The following TPP1 variants were observed in gnomAD, a reference collection of about 807,000 sequenced individuals.
TPP1 encodes tripeptidyl peptidase 1.
TPP1 carries 43 observed loss-of-function variants against 67.6 expected under a neutral mutation model. That is an observed-to-expected ratio of 0.64 (90% CI 0.50 to 0.82). TPP1 has a LOEUF of 0.82. TPP1 is among the 40% of genes least tolerant of loss of function. The pLI is 0.00. For missense variants in TPP1, 671 were observed against 710.9 expected (o/e 0.94, Z 0.64); for synonymous variants, 272 against 281.5 (o/e 0.97, Z 0.34).
rs140726254 is a variant in TPP1 at position 6,617,713 on chromosome 11, G to A, written c.293C>T (p.Thr98Met). 1.9e-3 allele frequency: 3,065 copies of A among 1,614,170 alleles called. 7 individuals carry two copies. The highest frequency in any genetic ancestry group is 3.9e-3 in the African/African-American group (291 of 75,036). Residue 98 changes from threonine (T) to methionine (M), a missense_variant, in exon 4 of 13, where the codon ACG becomes ATG. Transcript: ENST00000299427. Reference protein sequence around the residue: ...LVRPSPLTLHTVQKWLLAAGA... With the variant: ...LVRPSPLTLHMVQKWLLAAGA... ...GGCTGCCAAGAGCCATTTTTGCACC[G>A]TGTGGAGGGTCAGTGGGGATGGCCT...
At position 6,616,397 on chromosome 11, in the gene TPP1, G is replaced by A. The variant is rs1855585414; in HGVS notation, c.993C>T (p.Ser331=). 5.0e-6 allele frequency: 8 copies of A among 1,613,864 alleles called. No homozygotes were observed. The highest frequency in any genetic ancestry group is 6.8e-6 in the Non-Finnish European group (8 of 1,180,030). The part of the protein sequence containing the change: ...HTVSYGDDED[S]LSSAYIQRVN... ...CCCGCTGGATGTAGGCGCTGCTGAG[G>A]GAGTCCTCATCATCTCCATAGCTCA... Residue 331 remains serine (S), a synonymous_variant, in exon 8 of 13, where the codon TCC becomes TCT. Transcript: ENST00000299427.
At position 6,616,731 on chromosome 11, in the gene TPP1, C is replaced by T. The variant is rs1564855114; in HGVS notation, c.816G>A (p.Glu272=). 1 of 1,614,082 alleles carries T rather than the reference C, an allele frequency of 6.2e-7. No homozygotes were observed. Among genetic ancestry groups the T allele is most frequent in the East Asian group, 2.2e-5 (1 of 44,876 alleles). Residue 272 remains glutamate, a synonymous_variant, in exon 7 of 13, where the codon GAG becomes GAA. Coordinates refer to ENST00000299427, the MANE Select transcript of TPP1 (RefSeq NM_000391.4). The part of the protein sequence containing the change: ...GQQGRGRAGI[E]ASLDVQYLMS... The stretch of plus-strand genomic sequence containing the variant: ...TCAGGTACTGCACATCTAGACTGGC[C>T]TCAATCCCGGCCCGGCCCCGGCCCT...
intron 9 of TPP1, 194 bp downstream of exon 9, chr11:6,615,811 G>A: frequency 1.3e-6 from 1 of 788,828 alleles, no homozygotes; most frequent in South Asian, 1.5e-5. Flanking sequence ...AGGAACAATG[G>A]GAGCTGTATC....
chr11:6,615,120 G>A, intron 11 of TPP1, 51 bp downstream of exon 11: 1 of 1,614,018 alleles, frequency 6.2e-7, no homozygotes, highest in South Asian at 1.1e-5. Flanking sequence ...CAAGGTGTTA[G>A]GGGGTAAGGG....
In TPP1 at chr11:6,617,451, C is replaced by A. The variant is rs181191327; in HGVS notation, c.381-23G>T. 1.4e-3 allele frequency: 2,331 copies of A among 1,614,082 alleles called. 55 individuals carry two copies. In the Admixed American group the frequency reaches 0.036, roughly 25 times the overall value. On this transcript the variant is annotated intron_variant, in intron 4 of 12. Transcript: ENST00000299427. The stretch of plus-strand genomic sequence containing the variant: ...TGTCTGGAGGTCAGAGAACAGAGGT[C>A]AGAAAGCTCAAAACGGAACAGAAGA...
rs1299252007 is a variant in TPP1, at chr11:6,613,931, A to T, written c.*615T>A. ...GTTGTAGATGTCAGTGATTTGTTCC[A>T]GGGGACAATGAGTAAACTGAGAAGA... On this transcript the variant is annotated 3_prime_UTR_variant, in exon 13 of 13. Transcript: ENST00000299427. 1 of 156,604 alleles carries T rather than the reference A, an allele frequency of 6.4e-6. No homozygotes were observed. Among genetic ancestry groups the T allele is most frequent in the African/African-American group, 2.4e-5 (1 of 41,470 alleles). 9.7% of individuals were successfully genotyped at this position (156,604 alleles called of 1,614,324 possible).
Position 6,618,886 on chromosome 11 carries a change from C to A in TPP1, c.119G>T (p.Arg40Leu). The A allele has an allele frequency of 6.2e-7, 1 of 1,613,782 alleles. No homozygotes were observed. Among genetic ancestry groups the A allele is most frequent in the Non-Finnish European group, 8.5e-7 (1 of 1,180,028 alleles). ...TLPPGWVSLG[R>L]ADPEEELSLT... is the part of the protein sequence containing the mutation. ...ACTCAGCTCTTCCTCAGGGTCCGCA[C>A]GGCCCAGGGACACCCAGCCTGGGGG... Residue 40 changes from arginine (R) to leucine (L), a missense_variant, in exon 3 of 13, where the codon CGT becomes CTT. Transcript: ENST00000299427.
rs1435709457 is a variant in TPP1 at position 6,617,435 on chromosome 11, G to A, written c.381-7C>T. On this transcript the variant is annotated splice_polypyrimidine_tract_variant and splice_region_variant and intron_variant, in intron 4 of 12. Transcript: ENST00000299427. ...GAGCAGCAGCTCTGCTTGTCTGGAG[G>A]TCAGAGAACAGAGGTCAGAAAGCTC... is the stretch of plus-strand genomic sequence containing the variant. 3.7e-6 allele frequency: 6 copies of A among 1,613,324 alleles called. No individual in the cohort carries two copies. Among genetic ancestry groups the A allele is most frequent in the Non-Finnish European group, 5.1e-6 (6 of 1,180,018 alleles).
Position 6,616,852 on chromosome 11 carries a change from T to G in TPP1, c.695A>C (p.Glu232Ala). ...CAGGTCTGAGTCATGGAAATACTGC[T>G]CCAGGAACTATGGAGGGAGTCAGAG... ...NNSQACAQFL[E>A]QYFHDSDLAQ... The change falls in exon 7 of 13, where the codon GAG (glutamate) becomes GCG (alanine). Residue 232 changes from glutamate to alanine, a missense_variant. Physicochemically the swap from Glu to Ala is moderately radical, Grantham distance 107 (BLOSUM62 -1). Coordinates refer to ENST00000299427, the MANE Select transcript of TPP1 (RefSeq NM_000391.4). 6.2e-7 allele frequency: 1 copy of G among 1,613,846 alleles called. No individual in the cohort carries two copies. The highest frequency in any genetic ancestry group is 1.3e-5 in the African/African-American group (1 of 74,974).
At chr11:6,615,962 G>C (rs1326757104) in intron 9 of TPP1, 43 bp downstream of exon 9, 1 of 1,600,628 alleles carries the variant, frequency 6.2e-7, no homozygotes, top group Non-Finnish European at 8.6e-7. Flanking sequence ...GATCACAAGT[G>C]AAAGGTGGTG....
At chr11:6,616,174 G>A in intron 8 of TPP1, 100 bp from the exon 9 acceptor site, 1 of 1,576,520 alleles carries the variant, frequency 6.3e-7, no homozygotes, top group Non-Finnish European at 8.7e-7. Context: ...AGGTCAGAGT[G>A]TAGAGGTCAG....
rs1341727614 is a variant in TPP1 at position 6,616,931 on chromosome 11, T to C, written c.687+44A>G. ...CAGGGTGGTAAGGAATTGAGGACAC[T>C]GTGGGGAGGCTATGAGGACCCTGGG... is the stretch of plus-strand genomic sequence containing the variant. On this transcript the variant is annotated intron_variant, in intron 6 of 12. Transcript: ENST00000299427. 3 of 1,614,060 alleles carry C rather than the reference T, an allele frequency of 1.9e-6. No homozygotes were observed. In the South Asian group the frequency reaches 3.3e-5, roughly 18 times the overall value.
chr11:6,618,506 G>A (rs1224286247), intron 3 of TPP1: 2 of 598,014 alleles, frequency 3.3e-6, no homozygotes, highest in Admixed American at 3.0e-5. Context: ...GCCTTAGTAT[G>A]TGAACAAAAG....
At position 6,614,556 on chromosome 11, in the gene TPP1, A is replaced by T. The variant is rs1184246085; in HGVS notation, c.1682T>A (p.Leu561His). Residue 561 changes from leucine to histidine, a missense_variant, in exon 13 of 13, where the codon CTC becomes CAC. Leu to His is a moderately conservative substitution (Grantham distance 99). Coordinates refer to ENST00000299427, the MANE Select transcript of TPP1 (RefSeq NM_000391.4). ...PNFPALLKTLLNP is the reference protein window; with the variant it reads ...PNFPALLKTLHNP ...CCTGATAGGAAAGGGTCAGGGGTTGAGTAGAGTCTTCAGCAAAGCTGGGAA... is the reference window on the plus strand; with the variant it reads ...CCTGATAGGAAAGGGTCAGGGGTTGTGTAGAGTCTTCAGCAAAGCTGGGAA... The T allele has an allele frequency of 6.2e-7, 1 of 1,614,062 alleles. No homozygotes were observed. Among genetic ancestry groups the T allele is most frequent in the East Asian group, 2.2e-5 (1 of 44,856 alleles).
chr11:6,614,184 G>A lies in TPP1; in HGVS notation c.*362C>T. On this transcript the variant is annotated 3_prime_UTR_variant, in exon 13 of 13. Transcript: ENST00000299427. ...GAAAGAGTAAACGGTGACAGTAGAG[G>A]TCTCCTTGCAGTGAATTGGGGAATG... 2 of 323,806 alleles carry A rather than the reference G, an allele frequency of 6.2e-6. No homozygotes were observed. Among genetic ancestry groups the A allele is most frequent in the South Asian group, 6.2e-5 (2 of 32,324 alleles). The allele number at this position is 323,806 out of a possible 1,614,324, so 20.1% of individuals were successfully genotyped here. A position where few individuals can be genotyped will look rare whatever the true frequency, so the allele number is the denominator to read the frequency against.
At position 6,617,355 on chromosome 11, in the gene TPP1, T is replaced by C. The variant is rs1855602976; in HGVS notation, c.454A>G (p.Arg152Gly). 6.2e-7 allele frequency: 1 copy of C among 1,613,976 alleles called. No homozygotes were observed. Among genetic ancestry groups the C allele is most frequent in the Admixed American group, 1.7e-5 (1 of 60,004 alleles). Residue 152 changes from arginine (R) to glycine (G), a missense_variant, in exon 5 of 13, where the codon AGG becomes GGG. Transcript: ENST00000299427. ...VGGPTETHVV[R>G]SPHPYQLPQA... is the part of the protein sequence containing the mutation. The stretch of plus-strand genomic sequence containing the variant: ...GGAAGCTGGTAGGGATGTGGGGACC[T>C]TACAACATGGGTTTCCGTAGGTCCT...
chr11:6,617,825 A>G (rs757709039), intron 3 of TPP1, 49 bp from the exon 4 acceptor site: 1 of 1,613,380 alleles, frequency 6.2e-7, no homozygotes, highest in Non-Finnish European at 8.5e-7. Flanking sequence ...GCTTTCCCAA[A>G]CTCCCCCTTT....
chr11:6,619,418 C>T lies in TPP1; in HGVS notation c.-18G>A, dbSNP rs371279534. On this transcript the variant is annotated 5_prime_UTR_variant, in exon 1 of 13. Coordinates refer to ENST00000299427, the MANE Select transcript of TPP1 (RefSeq NM_000391.4). ...AGTCCCATTCTGCCCTTCCGCGGAT[C>T]TGCTGTCATGTGACGGATCACATGA... 48 of 1,614,128 alleles carry T rather than the reference C, an allele frequency of 3.0e-5. No individual in the cohort carries two copies. Among genetic ancestry groups the T allele is most frequent in the Non-Finnish European group, 3.9e-5 (46 of 1,180,042 alleles).
chr11:6,618,086 G>T, intron 3 of TPP1: 1 of 424,348 alleles, frequency 2.4e-6, no homozygotes, highest in Non-Finnish European at 4.4e-6. Context: ...TTAATTTTAA[G>T]CTTATGTCCG....
Sources: allele counts gnomAD v4.1 joint callset, GRCh38; gene constraint gnomAD v4.1.1; transcripts MANE v1.5; gene names NCBI Gene and HGNC (gene_info 2026-07-23, HGNC 2026-07-21).